The following FYN variants were observed in gnomAD, a reference collection of about 807,000 sequenced individuals.
The protein encoded by FYN is FYN proto-oncogene, Src family tyrosine kinase, also known as tyrosine-protein kinase Fyn.
Under a neutral mutation model 70.2 loss-of-function variants are expected in FYN, and 10 were observed. That is an observed-to-expected ratio of 0.14 (90% CI 0.09 to 0.24). FYN has a LOEUF of 0.24. Among genes scored for constraint, FYN ranks in the 10% least tolerant of loss-of-function variants. The pLI is 1.00. For missense variants in FYN, 319 were observed against 673.1 expected, an observed-to-expected ratio of 0.47 and a Z score of 5.82; for synonymous variants, 236 against 248.6, an observed-to-expected ratio of 0.95 and a Z score of 0.48.
At chr6:111,743,534 A>G (rs1802077462) in intron 3 of FYN, among the ~76,000 whole-genome samples, 1 of 152,194 alleles carries the variant, frequency 6.6e-6, no homozygotes, top group Admixed American at 6.5e-5. Context: ...GTCCTGTGCC[A>G]AGGGCCCTCG....
At chr6:111,858,841 T>TA (rs546524771) in intron 1 of FYN, among the ~76,000 whole-genome samples, 11,130 of 129,314 alleles carry the variant, frequency 0.086, 657 homozygotes, top group African/African-American at 0.19. Flanking sequence ...ACCTAGGATT[T>TA]AAAAAAAAAA....
At chr6:111,768,563 C>T (rs1395631400) in intron 3 of FYN, among the ~76,000 whole-genome samples, 8 of 152,138 alleles carry the variant, frequency 5.3e-5, no homozygotes, top group Admixed American at 3.9e-4. Flanking sequence ...CCCTGTTCTC[C>T]GGGACTCCGA....
chr6:111,839,765 G>A (rs1773298770), intron 2 of FYN, among the ~76,000 whole-genome samples: 1 of 152,182 alleles, frequency 6.6e-6, no homozygotes, highest in South Asian at 2.1e-4. Flanking sequence ...AGGTACTGAA[G>A]GGCTCTCAAA....
At chr6:111,839,314 C>T (rs1173753738) in intron 2 of FYN, among the ~76,000 whole-genome samples, 1 of 152,096 alleles carries the variant, frequency 6.6e-6, no homozygotes, top group Non-Finnish European at 1.5e-5. Context: ...TTCTGGATCC[C>T]AAGCTATACC....
chr6:111,826,342 G>A (rs1772834030), intron 2 of FYN, among the ~76,000 whole-genome samples: 1 of 152,102 alleles, frequency 6.6e-6, no homozygotes, highest in Admixed American at 6.6e-5. Context: ...GTACGCGTGT[G>A]TGCACTTCTA....
intron 13 of FYN, among the ~76,000 whole-genome samples, chr6:111,671,834 C>T (rs1038027020): frequency 1.5e-4 from 23 of 152,180 alleles, no homozygotes; most frequent in South Asian, 6.2e-4. Context: ...TATTATCCTT[C>T]GTTAGGGTAA....
chr6:111,733,645 C>T (rs1193538530), intron 3 of FYN, among the ~76,000 whole-genome samples: 1 of 152,206 alleles, frequency 6.6e-6, no homozygotes, highest in Non-Finnish European at 1.5e-5. Context: ...TGCTGAGTAG[C>T]CCTGTGGTAC....
chr6:111,729,929 T>C (rs933386270), intron 3 of FYN, among the ~76,000 whole-genome samples: 4 of 152,186 alleles, frequency 2.6e-5, no homozygotes, highest in Non-Finnish European at 5.9e-5. Context: ...ATAAATCACC[T>C]TTATTTTTCT....
intron 1 of FYN, among the ~76,000 whole-genome samples, chr6:111,854,083 C>G (rs1773759996): frequency 6.6e-6 from 1 of 152,164 alleles, no homozygotes; most frequent in Non-Finnish European, 1.5e-5. Flanking sequence ...AGCACTTGTT[C>G]AGATGTTTCA....
intron 6 of FYN, among the ~76,000 whole-genome samples, chr6:111,707,718 T>C (rs1401088193): frequency 6.6e-6 from 1 of 152,190 alleles, no homozygotes; most frequent in Non-Finnish European, 1.5e-5. Flanking sequence ...TCTTTCAAAA[T>C]AAGTGAGCAG....
chr6:111,797,873 C>T (rs1771867148), intron 2 of FYN, among the ~76,000 whole-genome samples: 1 of 151,870 alleles, frequency 6.6e-6, no homozygotes, highest in East Asian at 1.9e-4. Flanking sequence ...AGTGATTCTC[C>T]TGCCTCAGTC....
chr6:111,669,901 G>A (rs56236906), intron 13 of FYN, among the ~76,000 whole-genome samples: 17,215 of 151,732 alleles, frequency 0.11, 2,282 homozygotes, highest in African/African-American at 0.31. Context: ...ACAGAAATAT[G>A]CTAGGTGTCA....
intron 3 of FYN, among the ~76,000 whole-genome samples, 197 bp from the exon 4 acceptor site, chr6:111,720,259 C>T (rs1409998181): frequency 1.3e-5 from 2 of 152,072 alleles, no homozygotes; most frequent in African/African-American, 2.4e-5. Context: ...CATTTGTTCC[C>T]CATATGTTCT....
Position 111,694,538 on chromosome 6 carries a change from C to T in FYN, c.1120-10G>A, listed in dbSNP as rs804187. 7,574 of 1,614,110 alleles carry T rather than the reference C, an allele frequency of 4.7e-3. 286 individuals are homozygous for T. The African/African-American group carries it at 0.082, about 17-fold the overall frequency. On this transcript the variant is annotated splice_polypyrimidine_tract_variant and intron_variant, in intron 11 of 13. Coordinates refer to ENST00000354650, the MANE Select transcript of FYN (RefSeq NM_002037.5). This position sits in a 1 kb window ranked among gnomAD's most constrained non-coding sequence, Gnocchi z 5.0. ...CCATTCCTGCAGCCACCTGTGGAAA[C>T]CCAGGGAACAGGACATGTTACACCA...
At chr6:111,766,341 A>G (rs908267185) in intron 3 of FYN, among the ~76,000 whole-genome samples, 1 of 151,990 alleles carries the variant, frequency 6.6e-6, no homozygotes, top group Non-Finnish European at 1.5e-5. Context: ...ACCATCATCT[A>G]TTTTCCTCCC....
At chr6:111,695,058 G>A (rs2071927) in intron 10 of FYN, among the ~76,000 whole-genome samples, 18,773 of 152,142 alleles carry the variant, frequency 0.12, 2,296 homozygotes, top group African/African-American at 0.31. Context: ...ACAAAGAATT[G>A]ATGTGGGGAA....
chr6:111,825,154 C>A (rs1431496892), intron 2 of FYN, among the ~76,000 whole-genome samples: 1 of 152,196 alleles, frequency 6.6e-6, no homozygotes, highest in African/African-American at 2.4e-5. Flanking sequence ...GAGGCCTGGA[C>A]AGCTCTCCAT....
intron 3 of FYN, among the ~76,000 whole-genome samples, chr6:111,725,230 G>C (rs1487246453): frequency 1.3e-5 from 2 of 152,102 alleles, no homozygotes; most frequent in Non-Finnish European, 2.9e-5. Context: ...TGAAAGCCTA[G>C]GAAAGCCTTC....
intron 3 of FYN, among the ~76,000 whole-genome samples, chr6:111,721,207 A>G (rs1800920357): frequency 6.6e-6 from 1 of 152,164 alleles, no homozygotes. Context: ...AAGTGCTCCC[A>G]TGGCATCCTC....
Sources: allele counts gnomAD v4.1 joint callset (sites outside exome capture counted in the v4.1 genomes callset), GRCh38; gene constraint gnomAD v4.1.1; non-coding constraint Gnocchi (gnomAD v3.1); transcripts MANE v1.5; gene names NCBI Gene and HGNC (gene_info 2026-07-23, HGNC 2026-07-21).